MCC: variants seen among roughly 807,000 people sequenced by gnomAD.
MCC encodes the protein MCC regulator of Wnt signaling pathway.
In MCC, 90 loss-of-function variants were observed where a neutral mutation model predicts 116.2. The observed-to-expected ratio is 0.77, with a 90% CI of 0.65 to 0.92. MCC has a LOEUF of 0.92. Among genes scored for constraint, MCC ranks in the 40% least tolerant of loss-of-function variants. The pLI is 0.00. For synonymous variants in MCC, 578 were observed against 510.5 expected (o/e 1.13, Z -1.78); for missense variants, 1,516 against 1,312.2 (o/e 1.16, Z -2.40).
At chr5:113,460,812 G>A (rs1314641722) in intron 1 of MCC, among the ~76,000 whole-genome samples, 2 of 152,148 alleles carry the variant, frequency 1.3e-5, no homozygotes, top group Non-Finnish European at 2.9e-5. Flanking sequence ...ACACCTGACC[G>A]TTTGTCAGAA....
chr5:113,358,706 G>A (rs767614145), intron 2 of MCC, among the ~76,000 whole-genome samples: 11 of 152,136 alleles, frequency 7.2e-5, no homozygotes, highest in Non-Finnish European at 1.5e-4. Flanking sequence ...AGAAGCATGG[G>A]ATAATTTTAA....
chr5:113,268,935 T>G (rs1257054218), intron 3 of MCC, among the ~76,000 whole-genome samples: 1 of 152,190 alleles, frequency 6.6e-6, no homozygotes, highest in Non-Finnish European at 1.5e-5. Context: ...TAACGGTGAC[T>G]GATGTTATCT....
chr5:113,041,478 CA>C (rs1292292882), intron 17 of MCC, among the ~76,000 whole-genome samples: 1 of 152,124 alleles, frequency 6.6e-6, no homozygotes, highest in Non-Finnish European at 1.5e-5. Flanking sequence ...AAATATTCTG[CA>C]AAAGGAAGAA....
chr5:113,313,777 A>G (rs1190967678), intron 3 of MCC, among the ~76,000 whole-genome samples: 4 of 150,538 alleles, frequency 2.7e-5, no homozygotes, highest in Admixed American at 1.3e-4. Flanking sequence ...ATAATCTGCC[A>G]TTTTCTTTCT....
intron 8 of MCC, among the ~76,000 whole-genome samples, chr5:113,089,810 CA>C (rs1755469626): frequency 6.6e-6 from 1 of 152,172 alleles, no homozygotes; most frequent in Non-Finnish European, 1.5e-5. Flanking sequence ...AAAAAACAAA[CA>C]AAACACCCAA....
rs78161392 is a variant in MCC, at chr5:113,408,111, T to C, written c.171-22899A>G. 9.3e-3 allele frequency among the ~76,000 whole-genome samples: 1,421 copies of C among 152,236 alleles called. 12 individuals carry two copies. Among genetic ancestry groups the C allele is most frequent in the African/African-American group, 0.015 (633 of 41,554 alleles). ...AAACAACCTCAAATCATCTGAAAGG[T>C]AGATATCTTTCATACAACCTGGACA... On this transcript the variant is annotated intron_variant, in intron 1 of 18. Coordinates refer to ENST00000408903, the MANE Select transcript of MCC (RefSeq NM_001085377.2).
At chr5:113,283,454 A>T (rs1052600382) in intron 3 of MCC, among the ~76,000 whole-genome samples, 21 of 152,246 alleles carry the variant, frequency 1.4e-4, no homozygotes, top group Non-Finnish European at 8.8e-5. Context: ...GGGAAATGCA[A>T]ATCAAACCCA....
In MCC at chr5:113,079,586, G is replaced by C. The variant is rs1754701028; in HGVS notation, c.1784+3274C>G. On this transcript the variant is annotated intron_variant, in intron 11 of 18. Transcript: ENST00000408903. ...GATTCCCTAGTTAATAAATGGTGCTGGGAAAACTGGCTAGCCATATGTAGA... is the reference window on the plus strand; with the variant it reads ...GATTCCCTAGTTAATAAATGGTGCTCGGAAAACTGGCTAGCCATATGTAGA... Among the ~76,000 whole-genome samples, 10 of 152,206 alleles carry C rather than the reference G, an allele frequency of 6.6e-5. No individual in the cohort carries two copies. In the South Asian group the frequency reaches 2.1e-3, roughly 32 times the overall value.
At chr5:113,474,393 C>T (rs1055641468) in intron 1 of MCC, among the ~76,000 whole-genome samples, 4 of 152,156 alleles carry the variant, frequency 2.6e-5, no homozygotes, top group African/African-American at 9.7e-5. Flanking sequence ...GAGAGAAAGG[C>T]ACTTACTGGG....
chr5:113,085,142 G>A lies in MCC; in HGVS notation c.1545+22C>T, dbSNP rs772068790. 15 of 1,613,826 alleles carry A rather than the reference G, an allele frequency of 9.3e-6. No homozygotes were observed. In the East Asian group the frequency reaches 1.1e-4, roughly 12 times the overall value. On this transcript the variant is annotated intron_variant, in intron 9 of 18. Coordinates refer to ENST00000408903, the MANE Select transcript of MCC (RefSeq NM_001085377.2). Reference sequence around the variant, plus strand: ...ATAACAGGAGGTGTTCCCGCTCATCGGGTCCATCCCCAGGAACTCACCTTG... The same window carrying A: ...ATAACAGGAGGTGTTCCCGCTCATCAGGTCCATCCCCAGGAACTCACCTTG...
intron 14 of MCC, among the ~76,000 whole-genome samples, chr5:113,063,651 A>G (rs892904801): frequency 6.6e-6 from 1 of 152,246 alleles, no homozygotes; most frequent in African/African-American, 2.4e-5. Flanking sequence ...CTTCCTGGAA[A>G]TGAAGACTTA....
intron 14 of MCC, among the ~76,000 whole-genome samples, chr5:113,056,170 C>G (rs1298204559): frequency 6.6e-6 from 1 of 152,166 alleles, no homozygotes; most frequent in Non-Finnish European, 1.5e-5. Context: ...GCTACCTTTA[C>G]GTGTGACCCA....
chr5:113,374,828 A>G (rs779233310), intron 2 of MCC, among the ~76,000 whole-genome samples: 3 of 151,660 alleles, frequency 2.0e-5, no homozygotes, highest in Non-Finnish European at 4.4e-5. Context: ...CCATCTCTAC[A>G]AAAAATACAA....
chr5:113,484,149 T>C (rs1228703917), intron 1 of MCC, among the ~76,000 whole-genome samples: 1 of 151,942 alleles, frequency 6.6e-6, no homozygotes, highest in East Asian at 1.9e-4. Context: ...ATAACTATAG[T>C]GGGCACTAGG....
intron 1 of MCC, chr5:113,436,866 T>G (rs1276610162): frequency 1.3e-5 from 2 of 152,254 alleles, no homozygotes; most frequent in Non-Finnish European, 2.9e-5. Context: ...CAGAAAATCT[T>G]TGAATCCACA....
intron 11 of MCC, among the ~76,000 whole-genome samples, chr5:113,073,660 T>TTC (rs1754204694): frequency 6.6e-6 from 1 of 151,818 alleles, no homozygotes; most frequent in South Asian, 2.1e-4. Flanking sequence ...TGGCTGCTTT[T>TTC]TTTTTTTTTT....
intron 14 of MCC, among the ~76,000 whole-genome samples, chr5:113,055,930 C>T (rs1382161808): frequency 2.0e-5 from 3 of 152,244 alleles, no homozygotes; most frequent in Non-Finnish European, 2.9e-5. Context: ...AGCTTTCAGA[C>T]TCAGGATGGC....
chr5:113,093,868 G>C (rs1048421452), intron 8 of MCC, among the ~76,000 whole-genome samples: 1 of 152,160 alleles, frequency 6.6e-6, no homozygotes, highest in Non-Finnish European at 1.5e-5. Flanking sequence ...CTGATGATAC[G>C]TAGCAGTACT....
chr5:113,305,871 C>T (rs1454961961), intron 3 of MCC, among the ~76,000 whole-genome samples: 1 of 152,166 alleles, frequency 6.6e-6, no homozygotes, highest in Non-Finnish European at 1.5e-5. Flanking sequence ...AGAACATTTT[C>T]ATCACCCCCA....
Sources: gnomAD v4.1 joint callset for allele counts (sites outside exome capture counted in the v4.1 genomes callset) on GRCh38, gnomAD v4.1.1 for gene constraint, MANE v1.5 for transcripts, NCBI Gene and HGNC (gene_info 2026-07-23, HGNC 2026-07-21) for gene names.